PIK3CG: variants seen among roughly 807,000 people sequenced by gnomAD.
PIK3CG encodes the protein phosphatidylinositol-4,5-bisphosphate 3-kinase catalytic subunit gamma.
Under a neutral mutation model 102.3 loss-of-function variants are expected in PIK3CG, and 55 were observed. That is an observed-to-expected ratio of 0.54 (90% CI 0.43 to 0.67). PIK3CG has a LOEUF of 0.67. Among genes scored for constraint, PIK3CG ranks in the 30% least tolerant of loss-of-function variants. The pLI is 0.00. For missense variants in PIK3CG, 1,258 were observed against 1,391.8 expected, an observed-to-expected ratio of 0.90 and a Z score of 1.53; for synonymous variants, 552 against 540.0, an observed-to-expected ratio of 1.02 and a Z score of -0.31.
At position 106,891,576 on chromosome 7, in the gene PIK3CG, G is replaced by A. The variant is rs936793878; in HGVS notation, c.3030+5284G>A. ...AGTGGATAAAGGGCAGGAACAACTC[G>A]TTCTTTTATAAACAAGCATTTTGGA... On this transcript the variant is annotated intron_variant, in intron 10 of 10. Transcript: ENST00000496166. The surrounding 1 kb of genome is among the most constrained non-coding windows in gnomAD (Gnocchi z 4.4). Among the ~76,000 whole-genome samples the A allele has an allele frequency of 2.0e-5, 3 of 152,114 alleles. No individual in the cohort carries two copies. Among genetic ancestry groups the A allele is most frequent in the East Asian group, 3.9e-4 (2 of 5,176 alleles).
In PIK3CG at chr7:106,874,648, A is replaced by G. The variant is rs2116497285; in HGVS notation, c.2288-52A>G. 9.0e-7 allele frequency: 1 copy of G among 1,106,242 alleles called. No homozygotes were observed. Among genetic ancestry groups the G allele is most frequent in the Non-Finnish European group, 1.4e-6 (1 of 721,340 alleles). 68.5% of individuals were successfully genotyped at this position (1,106,242 alleles called of 1,614,324 possible). ...GTTCTCAGGAAATGTAATAGATAAT[A>G]TTGATGATTTCTGGAACTCACATAA... On this transcript the variant is annotated intron_variant, in intron 4 of 10. Transcript: ENST00000496166. This position sits in a 1 kb window ranked among gnomAD's most constrained non-coding sequence, Gnocchi z 4.3.
chr7:106,904,628 T>G (rs1408561438), intron 10 of PIK3CG, among the ~76,000 whole-genome samples: 1 of 152,244 alleles, frequency 6.6e-6, no homozygotes, highest in Non-Finnish European at 1.5e-5. Flanking sequence ...CTAATGCATC[T>G]GTTTTCTTAG....
rs1751984153 is a variant in PIK3CG, at chr7:106,894,377, T to G, written c.3030+8085T>G. Among the ~76,000 whole-genome samples, 1 of 152,210 alleles carries G rather than the reference T, an allele frequency of 6.6e-6. No individual in the cohort carries two copies. Among genetic ancestry groups the G allele is most frequent in the Admixed American group, 6.5e-5 (1 of 15,276 alleles). Reference sequence around the variant, plus strand: ...AGCTAAATATTCGAGAAGATGACAGTACAGCCCTTCTCCTGGTAAACAGAG... The same window carrying G: ...AGCTAAATATTCGAGAAGATGACAGGACAGCCCTTCTCCTGGTAAACAGAG... On this transcript the variant is annotated intron_variant, in intron 10 of 10. Coordinates refer to ENST00000496166, the MANE Select transcript of PIK3CG (RefSeq NM_001282426.2). This position sits in a 1 kb window ranked among gnomAD's most constrained non-coding sequence, Gnocchi z 4.4.
chr7:106,880,987 AAC>A lies in PIK3CG; in HGVS notation c.2539-1128_2539-1127del, dbSNP rs1790914927. Among the ~76,000 whole-genome samples, 1 of 152,096 alleles carries A rather than the reference AAC, an allele frequency of 6.6e-6. No homozygotes were observed. The highest frequency in any genetic ancestry group is 1.5e-5 in the Non-Finnish European group (1 of 68,006). On this transcript the variant is annotated intron_variant, in intron 6 of 10. Transcript: ENST00000496166. The surrounding 1 kb of genome is among the most constrained non-coding windows in gnomAD (Gnocchi z 4.2). Reference sequence around the variant, plus strand: ...TCTTTCCCTTCCTCATAAGAAAACCAACAGTGTGGACCTGGAAAATAGCTCTC... The same window carrying A: ...TCTTTCCCTTCCTCATAAGAAAACCAAGTGTGGACCTGGAAAATAGCTCTC...
At chr7:106,873,165 A>G (rs1483559688) in intron 4 of PIK3CG, among the ~76,000 whole-genome samples, 1 of 152,258 alleles carries the variant, frequency 6.6e-6, no homozygotes, top group South Asian at 2.1e-4. Flanking sequence ...TGAAAAATTA[A>G]GCAGCATTAT....
At chr7:106,873,848 CCTT>C (rs1021307841) in intron 4 of PIK3CG, among the ~76,000 whole-genome samples, 2 of 152,100 alleles carry the variant, frequency 1.3e-5, no homozygotes, top group African/African-American at 4.8e-5. Context: ...ATTAATCACT[CCTT>C]CTCTGTATTT....
chr7:106,882,178 A>C lies in PIK3CG; in HGVS notation c.2600A>C (p.Tyr867Ser). Reference protein sequence around the residue: ...TESLDLCLLPYGCISTGDKIG... With the variant: ...TESLDLCLLPSGCISTGDKIG... ...TCTTTGGATCTATGCCTCCTGCCAT[A>C]TGGTTGCATTTCAACTGGTGACAAA... The change falls in exon 7 of 11, where the codon TAT (tyrosine) becomes TCT (serine). Residue 867 changes from tyrosine to serine, a missense_variant. This residue lies in a region of PIK3CG where 426 missense variants were observed against 604.2 expected (regional missense o/e 0.71). Transcript: ENST00000496166. 6.3e-7 allele frequency: 1 copy of C among 1,579,238 alleles called. No individual in the cohort carries two copies. The highest frequency in any genetic ancestry group is 8.6e-7 in the Non-Finnish European group (1 of 1,162,128).
In PIK3CG at chr7:106,872,605, A is replaced by C; in HGVS notation, c.2061+3A>C. The stretch of plus-strand genomic sequence containing the variant: ...TTCTGCTGAAGCGTGGTTTAAGAGT[A>C]AGTACTTCCATTTTGATAATAGCGT... On this transcript the variant is annotated splice_donor_region_variant and intron_variant, in intron 3 of 10. Coordinates refer to ENST00000496166, the MANE Select transcript of PIK3CG (RefSeq NM_001282426.2). This position sits in a 1 kb window ranked among gnomAD's most constrained non-coding sequence, Gnocchi z 5.3. 6.2e-7 allele frequency: 1 copy of C among 1,612,630 alleles called. No homozygotes were observed. The highest frequency in any genetic ancestry group is 8.5e-7 in the Non-Finnish European group (1 of 1,178,574).
chr7:106,898,815 C>T (rs1412044269), intron 10 of PIK3CG, among the ~76,000 whole-genome samples: 1 of 152,160 alleles, frequency 6.6e-6, no homozygotes, highest in African/African-American at 2.4e-5. Context: ...ATGATGCCTC[C>T]AGATTTGTTC....
In PIK3CG at chr7:106,905,265, G is replaced by A. The variant is rs1791658429; in HGVS notation, c.3187G>A (p.Asp1063Asn). ...DALTVGKNEE[D>N]AKKYFLDQIE... ...CCTCACAGTGGGGAAAAATGAGGAGGATGCTAAAAAGTATTTTCTTGATCA... is the reference window on the plus strand; with the variant it reads ...CCTCACAGTGGGGAAAAATGAGGAGAATGCTAAAAAGTATTTTCTTGATCA... Residue 1063 changes from aspartate to asparagine, a missense_variant, in exon 11 of 11, where the codon GAT becomes AAT. Physicochemically the swap from Asp to Asn is conservative, Grantham distance 23 (BLOSUM62 1). Coordinates refer to ENST00000496166, the MANE Select transcript of PIK3CG (RefSeq NM_001282426.2). This position sits in a 1 kb window ranked among gnomAD's most constrained non-coding sequence, Gnocchi z 5.6. 6.2e-7 allele frequency: 1 copy of A among 1,614,110 alleles called. No individual in the cohort carries two copies. Among genetic ancestry groups the A allele is most frequent in the Non-Finnish European group, 8.5e-7 (1 of 1,179,994 alleles).
chr7:106,882,497 T>A (rs1401860451), intron 7 of PIK3CG: 4 of 236,524 alleles, frequency 1.7e-5, no homozygotes, highest in Non-Finnish European at 3.2e-5. Context: ...TCATTACACA[T>A]TAAACTTTTC....
intron 5 of PIK3CG, among the ~76,000 whole-genome samples, chr7:106,876,490 C>A (rs1790747054): frequency 6.6e-6 from 1 of 150,978 alleles, no homozygotes; most frequent in East Asian, 2.0e-4. Flanking sequence ...CTCCCAGGTT[C>A]ATGCCATTCT....
chr7:106,875,909 G>GTTTTTTTT (rs559463107), intron 5 of PIK3CG, among the ~76,000 whole-genome samples: 3 of 123,074 alleles, frequency 2.4e-5, no homozygotes, highest in Non-Finnish European at 5.0e-5. Context: ...TTTTTTTTTT[G>GTTTTTTTT]TTTTTTTTTT....
rs1791298166 is a variant in PIK3CG at position 106,892,794 on chromosome 7, T to C, written c.3030+6502T>C. 6.6e-6 allele frequency among the ~76,000 whole-genome samples: 1 copy of C among 152,090 alleles called. No individual in the cohort carries two copies. Among genetic ancestry groups the C allele is most frequent in the African/African-American group, 2.4e-5 (1 of 41,418 alleles). On this transcript the variant is annotated intron_variant, in intron 10 of 10. Transcript: ENST00000496166. This position sits in a 1 kb window ranked among gnomAD's most constrained non-coding sequence, Gnocchi z 5.2. Reference sequence around the variant, plus strand: ...GAGAAGCATGTGTTTTTCTCAGGCCTTAAGGGATGAATTCAGTTTCATTTT... The same window carrying C: ...GAGAAGCATGTGTTTTTCTCAGGCCCTAAGGGATGAATTCAGTTTCATTTT...
At chr7:106,885,868 G>T (rs1791073767) in intron 9 of PIK3CG, among the ~76,000 whole-genome samples, 3 of 152,122 alleles carry the variant, frequency 2.0e-5, no homozygotes, top group South Asian at 4.1e-4. Context: ...ATGTTTCTAA[G>T]AATAATTTTG....
rs761095585 is a variant in PIK3CG, at chr7:106,867,920, A to T, written c.359A>T (p.Asp120Val). The stretch of plus-strand genomic sequence containing the variant: ...AAGTACCAGGTGGTGCAGACTCTGG[A>T]CTGCCTGCGCTACTGGAAGGCCACG... ...YDKYQVVQTL[D>V]CLRYWKATHR... Residue 120 changes from aspartate to valine, a missense_variant, in exon 2 of 11, where the codon GAC becomes GTC. Physicochemically the swap from Asp to Val is radical, Grantham distance 152. This residue lies in a region of PIK3CG where 832 missense variants were observed against 787.5 expected (regional missense o/e 1.06). Coordinates refer to ENST00000496166, the MANE Select transcript of PIK3CG (RefSeq NM_001282426.2). This position sits in a 1 kb window ranked among gnomAD's most constrained non-coding sequence, Gnocchi z 5.1. 1.2e-6 allele frequency: 2 copies of T among 1,613,150 alleles called. No homozygotes were observed. Among genetic ancestry groups the T allele is most frequent in the South Asian group, 1.1e-5 (1 of 91,084 alleles).
intron 7 of PIK3CG, 57 bp downstream of exon 7, chr7:106,882,264 A>G (rs1790964433): frequency 6.3e-6 from 5 of 793,604 alleles, no homozygotes; most frequent in Non-Finnish European, 8.1e-6. Context: ...AAAGATTATA[A>G]TTCCTTCAGT....
At chr7:106,900,283 T>C (rs1791510869) in intron 10 of PIK3CG, among the ~76,000 whole-genome samples, 1 of 152,190 alleles carries the variant, frequency 6.6e-6, no homozygotes, top group Non-Finnish European at 1.5e-5. Context: ...TAAGTCTTCT[T>C]GTTGAATTGA....
rs2116457709 is a variant in PIK3CG at position 106,869,096 on chromosome 7, A to T, written c.1535A>T (p.Asn512Ile). Reference sequence around the variant, plus strand: ...TCTGCAACTAACCCAGACAAGGAGAACTCAATGTCCATCTCCATTCTTCTG... The same window carrying T: ...TCTGCAACTAACCCAGACAAGGAGATCTCAATGTCCATCTCCATTCTTCTG... ...LTSATNPDKENSMSISILLDN... is the reference protein window; with the variant it reads ...LTSATNPDKEISMSISILLDN... Residue 512 changes from asparagine (N) to isoleucine (I), a missense_variant, in exon 2 of 11, where the codon AAC becomes ATC. This residue lies in a region of PIK3CG where 832 missense variants were observed against 787.5 expected (regional missense o/e 1.06). Transcript: ENST00000496166. The surrounding 1 kb of genome is among the most constrained non-coding windows in gnomAD (Gnocchi z 5.3). The T allele has an allele frequency of 3.7e-6, 6 of 1,614,172 alleles. No homozygotes were observed. Among genetic ancestry groups the T allele is most frequent in the Non-Finnish European group, 5.1e-6 (6 of 1,180,030 alleles).
Sources: gnomAD v4.1 joint callset for allele counts (sites outside exome capture counted in the v4.1 genomes callset) on GRCh38, gnomAD v4.1.1 for gene constraint, gnomAD v4.1.1 regional missense constraint, Gnocchi (gnomAD v3.1) non-coding constraint, MANE v1.5 for transcripts, NCBI Gene and HGNC (gene_info 2026-07-23, HGNC 2026-07-21) for gene names.